The following PARVA variants were observed in gnomAD, a reference collection of about 807,000 sequenced individuals.
PARVA encodes the protein parvin alpha.
PARVA carries 25 observed loss-of-function variants against 52.6 expected under a neutral mutation model. The observed-to-expected ratio is 0.48, with a 90% CI of 0.35 to 0.66. PARVA has a LOEUF of 0.66. PARVA is among the 30% of genes least tolerant of loss of function. The pLI, the probability that PARVA is intolerant of heterozygous loss-of-function variation, is 0.01. For synonymous variants in PARVA, 185 were observed against 179.1 expected, an observed-to-expected ratio of 1.03 and a Z score of -0.26; for missense variants, 373 against 450.9, an observed-to-expected ratio of 0.83 and a Z score of 1.56.
chr11:12,481,582 G>A (rs1044943515), intron 4 of PARVA, among the ~76,000 whole-genome samples: 1 of 152,076 alleles, frequency 6.6e-6, no homozygotes, highest in Non-Finnish European at 1.5e-5. Context: ...ATCAAGATGT[G>A]GGTATATTAG....
intron 4 of PARVA, chr11:12,478,927 CA>C (rs1388897103): frequency 6.6e-6 from 1 of 152,224 alleles, no homozygotes; most frequent in Non-Finnish European, 1.5e-5. Context: ...GGACAAAGTC[CA>C]AACCCCTTGG....
At position 12,532,525 on chromosome 11, in the gene PARVA, C is replaced by T. The variant is rs868326854; in HGVS notation, c.*4600C>T. 1.3e-5 allele frequency among the ~76,000 whole-genome samples: 2 copies of T among 152,142 alleles called. No individual in the cohort carries two copies. The highest frequency in any genetic ancestry group is 4.8e-5 in the African/African-American group (2 of 41,410). ...TTCGGCAAGTATGTGTTGAGTGCAG[C>T]ATGTCCAAGGGTGAGTGAGAGATTA... On this transcript the variant is annotated 3_prime_UTR_variant, in exon 13 of 13. Coordinates refer to ENST00000334956, the MANE Select transcript of PARVA (RefSeq NM_018222.5).
At chr11:12,481,270 A>T (rs1265497791) in intron 4 of PARVA, among the ~76,000 whole-genome samples, 1 of 152,110 alleles carries the variant, frequency 6.6e-6, no homozygotes, top group African/African-American at 2.4e-5. Context: ...AAGAGTTGTC[A>T]TTTCTATTTA....
intron 1 of PARVA, among the ~76,000 whole-genome samples, chr11:12,469,345 C>G (rs573744970): frequency 2.6e-5 from 4 of 152,282 alleles, no homozygotes; most frequent in African/African-American, 9.6e-5. Flanking sequence ...GCTTTCCCTA[C>G]CCCGACCTTC....
chr11:12,475,983 G>C (rs1941008620), intron 3 of PARVA, among the ~76,000 whole-genome samples: 1 of 152,224 alleles, frequency 6.6e-6, no homozygotes, highest in African/African-American at 2.4e-5. Flanking sequence ...TGCTGGGCCT[G>C]TGTGGGCAAG....
At position 12,533,734 on chromosome 11, in the gene PARVA, G is replaced by GAAA. The variant is rs1261450283; in HGVS notation, c.*5811_*5813dup. 6.6e-6 allele frequency among the ~76,000 whole-genome samples: 1 copy of GAAA among 152,100 alleles called. No individual in the cohort carries two copies. Among genetic ancestry groups the GAAA allele is most frequent in the African/African-American group, 2.4e-5 (1 of 41,408 alleles). On this transcript the variant is annotated 3_prime_UTR_variant, in exon 13 of 13. Coordinates refer to ENST00000334956, the MANE Select transcript of PARVA (RefSeq NM_018222.5). ...GTTACTAAGAAAAACATAAGCAAGA[G>GAAA]AAAATATATTTACTATTAAGTGAAA... is the stretch of plus-strand genomic sequence containing the variant.
chr11:12,484,504 G>GGTGTGTGTGTGTGT lies in PARVA; in HGVS notation c.400+6587_400+6600dup, dbSNP rs35501237. Among the ~76,000 whole-genome samples, 292 of 144,688 alleles carry GGTGTGTGTGTGTGT rather than the reference G, an allele frequency of 2.0e-3. 1 individual carries two copies. The highest frequency in any genetic ancestry group is 6.9e-3 in the African/African-American group (262 of 37,924). 94.9% of individuals were successfully genotyped at this position (144,688 alleles called of 152,430 possible). On this transcript the variant is annotated intron_variant, in intron 4 of 12. Coordinates refer to ENST00000334956, the MANE Select transcript of PARVA (RefSeq NM_018222.5). ...TTCTGCAGGAGGGTGGTTTTGTTTT[G>GGTGTGTGTGTGTGT]GTGTGTGTGTGTGTGTGTGTGTGTG...
At chr11:12,487,078 T>C (rs930693115) in intron 4 of PARVA, among the ~76,000 whole-genome samples, 1 of 152,056 alleles carries the variant, frequency 6.6e-6, no homozygotes, top group African/African-American at 2.4e-5. Flanking sequence ...TAGTGTCAAA[T>C]AGAGGAGTGT....
At chr11:12,481,771 G>C (rs1941089784) in intron 4 of PARVA, among the ~76,000 whole-genome samples, 1 of 152,120 alleles carries the variant, frequency 6.6e-6, no homozygotes, top group Admixed American at 6.5e-5. Flanking sequence ...GGAGGGGTCT[G>C]AGTTTGAGAT....
rs533479584 is a variant in PARVA, at chr11:12,519,347, A to T, written c.1042+830A>T. On this transcript the variant is annotated intron_variant, in intron 12 of 12. Transcript: ENST00000334956. ...AGCTCCTCTATCCAAACCCCCACCT[A>T]GTGGGGGCCATGCCCTGGTCTAGTG... 3.3e-5 allele frequency among the ~76,000 whole-genome samples: 5 copies of T among 152,212 alleles called. No homozygotes were observed. The South Asian group carries it at 1.0e-3, about 32-fold the overall frequency.
intron 1 of PARVA, among the ~76,000 whole-genome samples, chr11:12,461,788 G>T (rs1397143247): frequency 6.6e-6 from 1 of 152,172 alleles, no homozygotes; most frequent in Non-Finnish European, 1.5e-5. Context: ...GGTGGAAACT[G>T]TAGGACTTGG....
intron 1 of PARVA, among the ~76,000 whole-genome samples, chr11:12,424,340 A>G (rs747178278): frequency 6.4e-5 from 9 of 140,940 alleles, no homozygotes; most frequent in Non-Finnish European, 1.3e-4. Flanking sequence ...TTTATTCTCT[A>G]TTTATTTTTC....
chr11:12,526,504 G>A (rs918039483), intron 12 of PARVA, among the ~76,000 whole-genome samples: 2 of 152,060 alleles, frequency 1.3e-5, no homozygotes, highest in Non-Finnish European at 2.9e-5. Flanking sequence ...ATACAGAAAG[G>A]TGCATGAAAC....
At position 12,534,937 on chromosome 11, in the gene PARVA, ACT is replaced by A. The variant is rs563042943; in HGVS notation, c.*7016_*7017del. 9.7e-4 allele frequency among the ~76,000 whole-genome samples: 148 copies of A among 152,304 alleles called. No individual in the cohort carries two copies. Among genetic ancestry groups the A allele is most frequent in the African/African-American group, 3.4e-3 (143 of 41,564 alleles). ...ATGTGTGTAATATTGGAGAATGTAC[ACT>A]CTCACTGAACTGGGGATGTTTGACT... On this transcript the variant is annotated 3_prime_UTR_variant, in exon 13 of 13. Coordinates refer to ENST00000334956, the MANE Select transcript of PARVA (RefSeq NM_018222.5).
chr11:12,507,701 C>T (rs1308785857), intron 6 of PARVA, among the ~76,000 whole-genome samples: 1 of 152,130 alleles, frequency 6.6e-6, no homozygotes, highest in Non-Finnish European at 1.5e-5. Flanking sequence ...CGAGGGTGAC[C>T]ACGTAATCTA....
In PARVA at chr11:12,508,781, G is replaced by A; in HGVS notation, c.716+139G>A. 4.1e-6 allele frequency: 3 copies of A among 723,720 alleles called. No individual in the cohort carries two copies. The East Asian group carries it at 8.2e-5, about 20-fold the overall frequency. The allele number at this position is 723,720 out of a possible 1,614,324, so 44.8% of individuals were successfully genotyped here. A position where few individuals can be genotyped will look rare whatever the true frequency, so the allele number is the denominator to read the frequency against. The stretch of plus-strand genomic sequence containing the variant: ...GACTTCAGCCAATGATTATAGTTTA[G>A]CCTTTTCCATGCATTCAAAACATGC... On this transcript the variant is annotated intron_variant, in intron 7 of 12. Coordinates refer to ENST00000334956, the MANE Select transcript of PARVA (RefSeq NM_018222.5).
intron 1 of PARVA, among the ~76,000 whole-genome samples, chr11:12,413,454 G>T (rs1940020857): frequency 6.6e-6 from 1 of 152,166 alleles, no homozygotes; most frequent in Admixed American, 6.5e-5. Context: ...ACTGTTTTGG[G>T]CCATGGGCTT....
intron 1 of PARVA, among the ~76,000 whole-genome samples, chr11:12,454,337 A>G (rs1940664846): frequency 6.6e-6 from 1 of 152,212 alleles, no homozygotes; most frequent in South Asian, 2.1e-4. Flanking sequence ...TTGCCACTTA[A>G]TGTAATTTGT....
Position 12,531,194 on chromosome 11 carries a change from T to G in PARVA, c.*3269T>G, listed in dbSNP as rs1274747372. Among the ~76,000 whole-genome samples, 3 of 152,242 alleles carry G rather than the reference T, an allele frequency of 2.0e-5. No individual in the cohort carries two copies. The highest frequency in any genetic ancestry group is 6.5e-5 in the Admixed American group (1 of 15,286). ...TATTAGAAGGCTCCAGTTTCACATG[T>G]GCAGGCACAGAGATGACATTTCCCG... is the stretch of plus-strand genomic sequence containing the variant. On this transcript the variant is annotated 3_prime_UTR_variant, in exon 13 of 13. Coordinates refer to ENST00000334956, the MANE Select transcript of PARVA (RefSeq NM_018222.5).
Sources: allele counts gnomAD v4.1 joint callset (sites outside exome capture counted in the v4.1 genomes callset), GRCh38; gene constraint gnomAD v4.1.1; transcripts MANE v1.5; gene names NCBI Gene and HGNC (gene_info 2026-07-23, HGNC 2026-07-21).